Variants in SMURF2 observed in about 807,000 individuals in gnomAD.
SMURF2 encodes the protein SMAD specific E3 ubiquitin protein ligase 2, also known as E3 ubiquitin-protein ligase SMURF2.
SMURF2 carries 48 observed loss-of-function variants against 109.6 expected under a neutral mutation model. The ratio of observed to expected loss-of-function variants is 0.44; its 90% CI spans 0.35 to 0.56. The LOEUF (loss-of-function observed/expected upper bound fraction) is 0.56, where lower values mean the gene tolerates loss of function less well. Ranked by LOEUF, SMURF2 falls within the 20% of genes least tolerant of loss-of-function variation. The pLI, the probability that SMURF2 is intolerant of heterozygous loss-of-function variation, is 0.01. For missense variants in SMURF2, 575 were observed against 909.0 expected, an observed-to-expected ratio of 0.63 and a Z score of 4.72; for synonymous variants, 288 against 317.1, an observed-to-expected ratio of 0.91 and a Z score of 0.97.
intron 1 of SMURF2, among the ~76,000 whole-genome samples, chr17:64,651,332 G>T (rs964880877): frequency 4.6e-5 from 7 of 152,034 alleles, no homozygotes; most frequent in Admixed American, 3.9e-4. Context: ...CCACACTTTG[G>T]GAGGCTGAGG....
At chr17:64,561,083 T>G (rs189016518) in intron 12 of SMURF2, 63 of 155,094 alleles carry the variant, frequency 4.1e-4, no homozygotes, top group Admixed American at 2.5e-3. Context: ...CATCATGATA[T>G]GTACATGTGT....
chr17:64,598,065 A>G (rs1404656938), intron 3 of SMURF2, among the ~76,000 whole-genome samples: 1 of 152,144 alleles, frequency 6.6e-6, no homozygotes, highest in African/African-American at 2.4e-5. Context: ...ATTCAGTGCA[A>G]CCCAAATCCT....
chr17:64,650,423 C>A (rs1490686306), intron 1 of SMURF2, among the ~76,000 whole-genome samples: 3 of 151,858 alleles, frequency 2.0e-5, no homozygotes, highest in Admixed American at 6.6e-5. Flanking sequence ...AAGGCACAAG[C>A]ACAGAGAAAA....
chr17:64,605,768 T>TATAC (rs1969962019), intron 2 of SMURF2, among the ~76,000 whole-genome samples: 1 of 142,374 alleles, frequency 7.0e-6, no homozygotes, highest in African/African-American at 2.6e-5. Context: ...TATATATATA[T>TATAC]ATATATATCT....
rs1250971827 is a variant in SMURF2, at chr17:64,555,938, G to T, written c.1492C>A (p.His498Asn). The T allele has an allele frequency of 5.0e-6, 8 of 1,613,344 alleles. No homozygotes were observed. Among genetic ancestry groups the T allele is most frequent in the Admixed American group, 1.7e-5 (1 of 59,946 alleles). Residue 498 changes from histidine to asparagine, a missense_variant, in exon 14 of 19, where the codon CAT (histidine) becomes AAT (asparagine). Physicochemically the swap from His to Asn is moderately conservative, Grantham distance 68. Transcript: ENST00000262435. Reference sequence around the variant, plus strand: ...AATGTGAAACCACCATCAATATAATGTCCATGAAACACAGCCATTCCCATT... The same window carrying T: ...AATGTGAAACCACCATCAATATAATTTCCATGAAACACAGCCATTCCCATT... Reference protein sequence around the residue: ...RIMGMAVFHGHYIDGGFTLPF... With the variant: ...RIMGMAVFHGNYIDGGFTLPF...
chr17:64,610,485 T>A (rs1324118703), intron 1 of SMURF2, among the ~76,000 whole-genome samples: 2 of 152,186 alleles, frequency 1.3e-5, no homozygotes, highest in Non-Finnish European at 2.9e-5. Flanking sequence ...GAAAGCATCA[T>A]TCTCAGCAAA....
At chr17:64,594,387 A>C (rs1360242465) in intron 3 of SMURF2, among the ~76,000 whole-genome samples, 3 of 152,212 alleles carry the variant, frequency 2.0e-5, no homozygotes, top group Non-Finnish European at 4.4e-5. Context: ...TAAGGACTAA[A>C]GCTTTTAAAT....
At chr17:64,616,617 T>G (rs1970124072) in intron 1 of SMURF2, among the ~76,000 whole-genome samples, 1 of 148,962 alleles carries the variant, frequency 6.7e-6, no homozygotes, top group Non-Finnish European at 1.5e-5. Flanking sequence ...ATCGCGCCAC[T>G]GTACTCCAGC....
At chr17:64,661,148 G>A (rs1235996734) in intron 1 of SMURF2, among the ~76,000 whole-genome samples, 8 of 152,068 alleles carry the variant, frequency 5.3e-5, no homozygotes, top group African/African-American at 1.9e-4. Context: ...CGGCCTAAAA[G>A]GAACAACCCC....
intron 1 of SMURF2, among the ~76,000 whole-genome samples, chr17:64,643,052 T>A (rs1970511594): frequency 1.3e-5 from 2 of 152,230 alleles, no homozygotes; most frequent in Non-Finnish European, 2.9e-5. Context: ...TGAGATAGGT[T>A]CTCGCTCTAT....
At chr17:64,616,852 T>C (rs1028598418) in intron 1 of SMURF2, among the ~76,000 whole-genome samples, 18 of 151,636 alleles carry the variant, frequency 1.2e-4, no homozygotes, top group Non-Finnish European at 2.4e-4. Context: ...GCTGATGGTT[T>C]GAGCCTAGGA....
chr17:64,660,110 C>T (rs1028252202), intron 1 of SMURF2, among the ~76,000 whole-genome samples: 5 of 152,128 alleles, frequency 3.3e-5, no homozygotes, highest in Non-Finnish European at 7.4e-5. Context: ...AGTACGGAAA[C>T]CACAGATAAA....
At chr17:64,642,822 T>G in intron 1 of SMURF2, among the ~76,000 whole-genome samples, 1 of 151,916 alleles carries the variant, frequency 6.6e-6, no homozygotes, top group East Asian at 1.9e-4. Flanking sequence ...TGAGACAGGG[T>G]CTTCCTCTGT....
intron 2 of SMURF2, among the ~76,000 whole-genome samples, 162 bp downstream of exon 2, chr17:64,606,439 TA>T (rs368523310): frequency 2.3e-3 from 349 of 148,534 alleles, no homozygotes; most frequent in African/African-American, 7.5e-3. Context: ...CAAAACCTTC[TA>T]AAAAAAAAAT....
intron 1 of SMURF2, among the ~76,000 whole-genome samples, chr17:64,620,230 T>C (rs1555690518): frequency 1.3e-5 from 2 of 152,178 alleles, no homozygotes; most frequent in Non-Finnish European, 2.9e-5. Context: ...AAATAATACA[T>C]CTAGAGTATT....
intron 16 of SMURF2, among the ~76,000 whole-genome samples, chr17:64,549,780 G>A (rs1283843697): frequency 6.6e-6 from 1 of 152,004 alleles, no homozygotes; most frequent in Non-Finnish European, 1.5e-5. Context: ...AAAGAAAAAA[G>A]AGAAGAAAAA....
Position 64,578,479 on chromosome 17 carries a change from A to G in SMURF2, c.857+13T>C. 6.3e-7 allele frequency: 1 copy of G among 1,586,246 alleles called. No individual in the cohort carries two copies. The highest frequency in any genetic ancestry group is 8.7e-7 in the Non-Finnish European group (1 of 1,155,642). ...CTTTGATGGTCTAAAGAGTGCTTAA[A>G]ATACGTTCTTACCTGGGCACTCTTG... On this transcript the variant is annotated intron_variant, in intron 9 of 18. Coordinates refer to ENST00000262435, the MANE Select transcript of SMURF2 (RefSeq NM_022739.4).
intron 10 of SMURF2, among the ~76,000 whole-genome samples, chr17:64,563,324 T>G (rs1555684706): frequency 6.6e-6 from 1 of 152,228 alleles, no homozygotes; most frequent in East Asian, 1.9e-4. Context: ...ACTCTTTCTT[T>G]CTGGAAGAGC....
intron 1 of SMURF2, among the ~76,000 whole-genome samples, chr17:64,651,902 G>A (rs1373128024): frequency 6.6e-6 from 1 of 152,180 alleles, no homozygotes; most frequent in Non-Finnish European, 1.5e-5. Context: ...CTGGGTGACA[G>A]AGACCCTGTC....
Sources: allele counts gnomAD v4.1 joint callset (sites outside exome capture counted in the v4.1 genomes callset), GRCh38; gene constraint gnomAD v4.1.1; transcripts MANE v1.5; gene names NCBI Gene and HGNC (gene_info 2026-07-23, HGNC 2026-07-21).